Variants in GATAD2A observed in about 807,000 individuals in gnomAD.
GATAD2A encodes transcriptional repressor p66-alpha.
GATAD2A carries 12 observed loss-of-function variants against 68.5 expected under a neutral mutation model. That is an observed-to-expected ratio of 0.18 (90% confidence interval 0.11 to 0.28). The LOEUF is 0.28. Ranked by LOEUF, GATAD2A falls within the 10% of genes least tolerant of loss-of-function variation. The pLI is 1.00. For synonymous variants in GATAD2A, 410 were observed against 375.3 expected, an observed-to-expected ratio of 1.09 and a Z score of -1.07; for missense variants, 755 against 868.5, an observed-to-expected ratio of 0.87 and a Z score of 1.64.
At chr19:19,453,681 T>A (rs565854831) in intron 1 of GATAD2A, among the ~76,000 whole-genome samples, 892 of 83,858 alleles carry the variant, frequency 0.011, 11 homozygotes, top group South Asian at 0.074. Context: ...TTTTTTAAAA[T>A]TTTTTTTTTT....
At chr19:19,498,068 A>G (rs567281074) in intron 7 of GATAD2A, among the ~76,000 whole-genome samples, 1 of 152,362 alleles carries the variant, frequency 6.6e-6, no homozygotes, top group South Asian at 2.1e-4. Flanking sequence ...AGGCCAGGCC[A>G]CAGCCAGAGG....
chr19:19,419,796 A>G (rs8105131), intron 1 of GATAD2A, among the ~76,000 whole-genome samples: 4,795 of 151,584 alleles, frequency 0.032, 245 homozygotes, highest in African/African-American at 0.11. Flanking sequence ...GACAGGTGTA[A>G]GTCACCGCCC....
At position 19,481,169 on chromosome 19, in the gene GATAD2A, G is replaced by T. The variant is rs186164738; in HGVS notation, c.270-11137G>T. On this transcript the variant is annotated intron_variant, in intron 2 of 11. Transcript: ENST00000683918. Reference sequence around the variant, plus strand: ...ATGGGTGTAGGGACCAGCATCAGGAGGGGTGCTGCGATCAGTGGCCAGGGT... The same window carrying T: ...ATGGGTGTAGGGACCAGCATCAGGATGGGTGCTGCGATCAGTGGCCAGGGT... Among the ~76,000 whole-genome samples, 354 of 152,170 alleles carry T rather than the reference G, an allele frequency of 2.3e-3. 2 individuals carry two copies. Among genetic ancestry groups the T allele is most frequent in the South Asian group, 0.016 (78 of 4,820 alleles).
intron 1 of GATAD2A, among the ~76,000 whole-genome samples, chr19:19,410,440 G>A (rs967126973): frequency 6.6e-6 from 1 of 152,180 alleles, no homozygotes; most frequent in Non-Finnish European, 1.5e-5. Flanking sequence ...GTGTGGCCAT[G>A]TGGTACAGGA....
At chr19:19,465,193 C>T (rs2057774242) in intron 1 of GATAD2A, 147 bp from the exon 2 acceptor site, 2 of 671,414 alleles carry the variant, frequency 3.0e-6, no homozygotes, top group East Asian at 2.7e-5. Context: ...CCTGGGGATG[C>T]TTTTCTGGGC....
chr19:19,416,179 A>T (rs551929856), intron 1 of GATAD2A, among the ~76,000 whole-genome samples: 1 of 152,180 alleles, frequency 6.6e-6, no homozygotes, highest in African/African-American at 2.4e-5. Flanking sequence ...CCATTTAAAG[A>T]TACAAAAAAG....
Position 19,486,000 on chromosome 19 carries a change from G to A in GATAD2A, c.270-6306G>A, listed in dbSNP as rs115858384. 5.7e-3 allele frequency among the ~76,000 whole-genome samples: 875 copies of A among 152,306 alleles called. 14 individuals carry two copies. The highest frequency in any genetic ancestry group is 0.02 in the African/African-American group (823 of 41,550). ...GGAAGCAGCTGCCCACCGTGCAAGG[G>A]GGTCCATCAGTCCGTGGCGCTGGTT... On this transcript the variant is annotated intron_variant, in intron 2 of 11. Transcript: ENST00000683918.
chr19:19,460,860 G>T (rs528330491), intron 1 of GATAD2A, among the ~76,000 whole-genome samples: 1 of 152,296 alleles, frequency 6.6e-6, no homozygotes, highest in East Asian at 1.9e-4. Flanking sequence ...GCCTGGGCCA[G>T]TGCTTCCCCC....
At chr19:19,470,143 A>ATT (rs750710437) in intron 2 of GATAD2A, among the ~76,000 whole-genome samples, 1,447 of 132,606 alleles carry the variant, frequency 0.011, 55 homozygotes, top group South Asian at 0.05. Context: ...CTGCGACTTT[A>ATT]TTTTTTTTTT....
At chr19:19,394,487 C>T (rs1184668718) in intron 1 of GATAD2A, among the ~76,000 whole-genome samples, 2 of 149,494 alleles carry the variant, frequency 1.3e-5, no homozygotes, top group African/African-American at 4.9e-5. Context: ...GCTGTGTTGC[C>T]CAGGTTGGAG....
chr19:19,504,502 T>G (rs2060752676), intron 11 of GATAD2A, among the ~76,000 whole-genome samples: 1 of 152,016 alleles, frequency 6.6e-6, no homozygotes. Flanking sequence ...CGCATTAAAA[T>G]TTGAGCTGGG....
chr19:19,401,253 G>C (rs150626650), upstream of GATAD2A, among the ~76,000 whole-genome samples: 5 of 124,778 alleles, frequency 4.0e-5, no homozygotes, highest in East Asian at 9.8e-4. Flanking sequence ...TCCTTCTGTC[G>C]CACAGGCTGG....
chr19:19,436,121 T>A (rs1258175020), intron 1 of GATAD2A: 1 of 1,350,008 alleles, frequency 7.4e-7, no homozygotes, highest in South Asian at 1.1e-5. Context: ...TTCTCTGTCC[T>A]TTGCTTTAGG....
At chr19:19,397,207 A>G (rs879908247) in intron 1 of GATAD2A, among the ~76,000 whole-genome samples, 1 of 152,172 alleles carries the variant, frequency 6.6e-6, no homozygotes, top group Non-Finnish European at 1.5e-5. Context: ...GTGCTATAGT[A>G]GGATCCAAGA....
At chr19:19,401,598 G>A (rs2049758480), upstream of GATAD2A, among the ~76,000 whole-genome samples, 1 of 152,054 alleles carries the variant, frequency 6.6e-6, no homozygotes, top group Non-Finnish European at 1.5e-5. Flanking sequence ...AGCTTCGGGA[G>A]TATGTGCCTG....
At chr19:19,452,281 C>G (rs2056474453) in intron 1 of GATAD2A, among the ~76,000 whole-genome samples, 1 of 152,124 alleles carries the variant, frequency 6.6e-6, no homozygotes, top group Non-Finnish European at 1.5e-5. Flanking sequence ...CTTGGCTTCC[C>G]TGGATCCCAC....
At chr19:19,389,987 C>T (rs1180255013) in intron 1 of GATAD2A, among the ~76,000 whole-genome samples, 1 of 152,154 alleles carries the variant, frequency 6.6e-6, no homozygotes, top group Admixed American at 6.6e-5. Context: ...TAGTCTCAAA[C>T]TCCTGAGCTC....
intron 4 of GATAD2A, among the ~76,000 whole-genome samples, chr19:19,493,002 G>A (rs974117558): frequency 6.8e-6 from 1 of 148,136 alleles, no homozygotes; most frequent in African/African-American, 2.5e-5. Flanking sequence ...GTGCATTGAC[G>A]CAACCTTGGC....
rs186736964 is a variant in GATAD2A at position 19,408,464 on chromosome 19, C to T, written c.-7+2445C>T. 5.3e-5 allele frequency among the ~76,000 whole-genome samples: 8 copies of T among 152,246 alleles called. No homozygotes were observed. The East Asian group carries it at 1.5e-3, about 29-fold the overall frequency. On this transcript the variant is annotated intron_variant, in intron 1 of 11. Coordinates refer to ENST00000683918, the MANE Select transcript of GATAD2A (RefSeq NM_001384528.1). ...TTTGTACCAGAATGTCAATAAAGGTCTCTACATTAGGATTAGCAATAGTTT... is the reference window on the plus strand; with the variant it reads ...TTTGTACCAGAATGTCAATAAAGGTTTCTACATTAGGATTAGCAATAGTTT...
Sources: allele counts gnomAD v4.1 joint callset (sites outside exome capture counted in the v4.1 genomes callset), GRCh38; gene constraint gnomAD v4.1.1; transcripts MANE v1.5; gene names NCBI Gene and HGNC (gene_info 2026-07-23, HGNC 2026-07-21).